ARID3A: variants seen among roughly 807,000 people sequenced by gnomAD.
ARID3A encodes AT-rich interaction domain 3A.
A neutral mutation model predicts 52.7 loss-of-function variants in ARID3A; 11 were observed. The observed-to-expected ratio is 0.21, with a 90% CI of 0.13 to 0.35. ARID3A has a LOEUF of 0.35. Among genes scored for constraint, ARID3A ranks in the 10% least tolerant of loss-of-function variants. ARID3A has a pLI of 1.00. For missense variants in ARID3A, 721 were observed against 838.5 expected (o/e 0.86, Z 1.73); for synonymous variants, 404 against 359.4 (o/e 1.12, Z -1.40).
intron 2 of ARID3A, among the ~76,000 whole-genome samples, chr19:930,274 G>A (rs979522034): frequency 6.6e-6 from 1 of 151,832 alleles, no homozygotes; most frequent in Non-Finnish European, 1.5e-5. Context: ...TTTTTTAGCC[G>A]GGTGCTGTGG....
intron 1 of ARID3A, among the ~76,000 whole-genome samples, chr19:927,277 A>G (rs1199037176): frequency 1.3e-5 from 2 of 151,558 alleles, no homozygotes; most frequent in Non-Finnish European, 3.0e-5. Context: ...TGGGGCTGTC[A>G]TAAAATGGGG....
chr19:927,368 TG>T (rs561627310), intron 1 of ARID3A, among the ~76,000 whole-genome samples: 119 of 149,282 alleles, frequency 8.0e-4, no homozygotes, highest in African/African-American at 2.9e-3. Context: ...ATGGCGGCGA[TG>T]GGGGGGCACC....
Position 938,918 on chromosome 19 carries a change from T to G in ARID3A, c.693+6176T>G, listed in dbSNP as rs1256848272. On this transcript the variant is annotated intron_variant, in intron 3 of 8. Transcript: ENST00000263620. The surrounding 1 kb of genome is among the most constrained non-coding windows in gnomAD (Gnocchi z 4.0). ...TTGTGGAAAATACACATAGATACAT[T>G]ATTTTATCTCTCTTTTTTTTTTTTT... 6.6e-6 allele frequency among the ~76,000 whole-genome samples: 1 copy of G among 150,394 alleles called. No individual in the cohort carries two copies. Among genetic ancestry groups the G allele is most frequent in the Non-Finnish European group, 1.5e-5 (1 of 67,852 alleles).
In ARID3A at chr19:972,801, C is replaced by CAA. The variant is rs57620894; in HGVS notation, c.*765_*766dup. The stretch of plus-strand genomic sequence containing the variant: ...GTCTTGAAAAAGCAAGAAAAAAAAG[C>CAA]AAAAAAAAAAAAAAAAAAAAAAAAA... On this transcript the variant is annotated 3_prime_UTR_variant, in exon 9 of 9. Coordinates refer to ENST00000263620, the MANE Select transcript of ARID3A (RefSeq NM_005224.3). The CAA allele has an allele frequency of 1.3e-4, 10 of 74,966 alleles. No homozygotes were observed. Among genetic ancestry groups the CAA allele is most frequent in the African/African-American group, 6.0e-4 (10 of 16,626 alleles). The allele number at this position is 74,966 out of a possible 1,614,324, so 4.6% of individuals were successfully genotyped here.
chr19:947,141 C>T lies in ARID3A; in HGVS notation c.694-12951C>T, dbSNP rs1421437630. Among the ~76,000 whole-genome samples, 1 of 152,142 alleles carries T rather than the reference C, an allele frequency of 6.6e-6. No homozygotes were observed. The highest frequency in any genetic ancestry group is 2.4e-5 in the African/African-American group (1 of 41,434). On this transcript the variant is annotated intron_variant, in intron 3 of 8. Coordinates refer to ENST00000263620, the MANE Select transcript of ARID3A (RefSeq NM_005224.3). This position sits in a 1 kb window ranked among gnomAD's most constrained non-coding sequence, Gnocchi z 6.3. Reference sequence around the variant, plus strand: ...AATGTTTGCTGGGTGCCCCCCATTGCTGGGCACCGTGGGGTGGGGTGTGTC... The same window carrying T: ...AATGTTTGCTGGGTGCCCCCCATTGTTGGGCACCGTGGGGTGGGGTGTGTC...
chr19:929,384 C>CCCCCCCCCCCCA lies in ARID3A; in HGVS notation c.-145_-144insCCCCCCCCCCCA, dbSNP rs2145341202. On this transcript the variant is annotated 5_prime_UTR_variant, in exon 2 of 9. Coordinates refer to ENST00000263620, the MANE Select transcript of ARID3A (RefSeq NM_005224.3). The surrounding 1 kb of genome is among the most constrained non-coding windows in gnomAD (Gnocchi z 6.2). ...GGCGGCCCCCGCCCCCGCCCCCTGCCACCCTGCACTGCCCCGGCTCCCCCG... is the reference window on the plus strand; with the variant it reads ...GGCGGCCCCCGCCCCCGCCCCCTGCCCCCCCCCCCCCAACCCTGCACTGCCCCGGCTCCCCCG... The CCCCCCCCCCCCA allele has an allele frequency of 1.4e-6, 1 of 738,562 alleles. No homozygotes were observed. The highest frequency in any genetic ancestry group is 1.7e-6 in the Non-Finnish European group (1 of 572,214). The allele number at this position is 738,562 out of a possible 1,614,324, so 45.8% of individuals were successfully genotyped here.
At chr19:970,513 T>C (rs2038255775) in intron 8 of ARID3A, among the ~76,000 whole-genome samples, 1 of 141,156 alleles carries the variant, frequency 7.1e-6, no homozygotes. Context: ...TTTTTTTTTT[T>C]TTTTTTTTTT....
At position 932,644 on chromosome 19, in the gene ARID3A, G is replaced by A. The variant is rs2037357596; in HGVS notation, c.595G>A (p.Gly199Arg). The change falls in exon 3 of 9, where the codon GGG (glycine) becomes AGG (arginine). Residue 199 changes from glycine (G) to arginine (R), a missense_variant. Gly to Arg is a moderately radical substitution (Grantham distance 125). Around this residue, in one of 5 missense-constraint regions of ARID3A, gnomAD observed 349 missense variants for 297.3 expected, o/e 1.17. Coordinates refer to ENST00000263620, the MANE Select transcript of ARID3A (RefSeq NM_005224.3). ...GGTGCTGGGGGGCCAGGAGCGGCCG[G>A]GGCCTGGCCCTGCCCACCCCGGAGG... ...PRVLGGQERP[G>R]PGPAHPGGAA... 2 of 1,540,786 alleles carry A rather than the reference G, an allele frequency of 1.3e-6. No individual in the cohort carries two copies. Among genetic ancestry groups the A allele is most frequent in the Middle Eastern group, 2.1e-4 (1 of 4,728 alleles).
rs956521955 is a variant in ARID3A at position 974,944 on chromosome 19, G to C, written c.*2879G>C. On this transcript the variant is annotated 3_prime_UTR_variant, in exon 9 of 9. Transcript: ENST00000263620. The stretch of plus-strand genomic sequence containing the variant: ...GCTGAAGGCAGTGGCCATGCTGGCC[G>C]TGGAAATGGGAGGCGGTTGCAGAGG... The C allele has an allele frequency of 4.3e-6, 1 of 229,888 alleles. No homozygotes were observed. Among genetic ancestry groups the C allele is most frequent in the Non-Finnish European group, 8.6e-6 (1 of 115,976 alleles). The allele number at this position is 229,888 out of a possible 1,614,324, so 14.2% of individuals were successfully genotyped here.
rs546826190 is a variant in ARID3A at position 931,624 on chromosome 19, C to A, written c.369-794C>A. ...TCAGGAGATCGAGACCATCCTGGCT[C>A]ACACGGTGAAACCCCGTCTCCACTA... On this transcript the variant is annotated intron_variant, in intron 2 of 8. Transcript: ENST00000263620. 2.5e-4 allele frequency among the ~76,000 whole-genome samples: 38 copies of A among 151,888 alleles called. No individual in the cohort carries two copies. The East Asian group carries it at 4.1e-3, about 16-fold the overall frequency.
chr19:930,763 C>A (rs190544435), intron 2 of ARID3A, among the ~76,000 whole-genome samples: 2 of 151,310 alleles, frequency 1.3e-5, no homozygotes, highest in African/African-American at 4.8e-5. Context: ...CCTGCCTTGG[C>A]CTCCCAAAGT....
At position 960,130 on chromosome 19, in the gene ARID3A, C is replaced by T. The variant is rs781197545; in HGVS notation, c.732C>T (p.Phe244=). Residue 244 remains phenylalanine (F), a synonymous_variant, in exon 4 of 9, where the codon TTC becomes TTT. Coordinates refer to ENST00000263620, the MANE Select transcript of ARID3A (RefSeq NM_005224.3). This position sits in a 1 kb window ranked among gnomAD's most constrained non-coding sequence, Gnocchi z 4.3. ...ACGGGGACCCCAAGAGGAAGGAATT[C>T]CTGGATGACTTGTTCAGCTTCATGC... ...ELDGDPKRKE[F]LDDLFSFMQK... The T allele has an allele frequency of 6.2e-7, 1 of 1,613,162 alleles. No homozygotes were observed. Among genetic ancestry groups the T allele is most frequent in the South Asian group, 1.1e-5 (1 of 90,956 alleles).
chr19:966,902 C>A (rs2038169882), intron 7 of ARID3A, 34 bp downstream of exon 7: 1 of 1,567,742 alleles, frequency 6.4e-7, no homozygotes, highest in African/African-American at 1.4e-5. Flanking sequence ...GCTGTGCTTC[C>A]TGCGTGTGTC....
At chr19:965,319 T>G (rs2038126604) in intron 6 of ARID3A, 2 of 530,300 alleles carry the variant, frequency 3.8e-6, no homozygotes, top group East Asian at 6.3e-5. Flanking sequence ...GTGTTTCCAG[T>G]CCTGTGGCCA....
chr19:960,057 G>A lies in ARID3A; in HGVS notation c.694-35G>A. ...ACATGGTTCCCACACCTGAGCTCTG[G>A]CACCAACTAACCCATCCCCTCTCCA... On this transcript the variant is annotated intron_variant, in intron 3 of 8. Coordinates refer to ENST00000263620, the MANE Select transcript of ARID3A (RefSeq NM_005224.3). The surrounding 1 kb of genome is among the most constrained non-coding windows in gnomAD (Gnocchi z 4.3). The A allele has an allele frequency of 6.3e-7, 1 of 1,589,298 alleles. No individual in the cohort carries two copies. Among genetic ancestry groups the A allele is most frequent in the Non-Finnish European group, 8.6e-7 (1 of 1,160,862 alleles).
Position 947,698 on chromosome 19 carries a change from A to T in ARID3A, c.694-12394A>T, listed in dbSNP as rs557412461. Among the ~76,000 whole-genome samples, 1 of 152,310 alleles carries T rather than the reference A, an allele frequency of 6.6e-6. No individual in the cohort carries two copies. The highest frequency in any genetic ancestry group is 2.4e-5 in the African/African-American group (1 of 41,572). On this transcript the variant is annotated intron_variant, in intron 3 of 8. Transcript: ENST00000263620. The surrounding 1 kb of genome is among the most constrained non-coding windows in gnomAD (Gnocchi z 6.3). ...CACAGAGAAGCACCTTCACCACGCC[A>T]GCTTCCCGGGCCGCGCTTCATTGTC...
rs542439289 is a variant in ARID3A at position 932,709 on chromosome 19, C to T, written c.660C>T (p.His220=). ...CCCCGCAGCTGCAGCCGCCTGACCACGGCGACTGGACTTACGAGGAGCAGT... is the reference window on the plus strand; with the variant it reads ...CCCCGCAGCTGCAGCCGCCTGACCATGGCGACTGGACTTACGAGGAGCAGT... ...HVAPQLQPPD[H]GDWTYEEQFK... is the part of the protein sequence containing the mutation. Residue 220 remains histidine, a synonymous_variant, in exon 3 of 9, where the codon CAC becomes CAT. Coordinates refer to ENST00000263620, the MANE Select transcript of ARID3A (RefSeq NM_005224.3). 2.5e-4 allele frequency: 380 copies of T among 1,547,092 alleles called. 1 individual carries two copies. In the Middle Eastern group the frequency reaches 3.1e-3, roughly 12 times the overall value.
rs544757086 is a variant in ARID3A at position 961,460 on chromosome 19, C to A, written c.766+1296C>A. 3.9e-5 allele frequency among the ~76,000 whole-genome samples: 6 copies of A among 152,338 alleles called. No homozygotes were observed. The South Asian group carries it at 8.3e-4, about 21-fold the overall frequency. Reference sequence around the variant, plus strand: ...CAGGCTTGACCAGGGCCCACTGCCCCCTGTGAGGCTGGACAGATCCTCCCC... The same window carrying A: ...CAGGCTTGACCAGGGCCCACTGCCCACTGTGAGGCTGGACAGATCCTCCCC... On this transcript the variant is annotated intron_variant, in intron 4 of 8. Transcript: ENST00000263620.
intron 3 of ARID3A, among the ~76,000 whole-genome samples, chr19:949,258 G>A (rs2145411402): frequency 6.6e-6 from 1 of 152,262 alleles, no homozygotes; most frequent in Admixed American, 6.5e-5. Flanking sequence ...CGGCGTGGGT[G>A]CCTGTGTGGA....
Sources: gnomAD v4.1 joint callset for allele counts (sites outside exome capture counted in the v4.1 genomes callset) on GRCh38, gnomAD v4.1.1 for gene constraint, gnomAD v4.1.1 regional missense constraint, Gnocchi (gnomAD v3.1) non-coding constraint, MANE v1.5 for transcripts, NCBI Gene and HGNC (gene_info 2026-07-23, HGNC 2026-07-21) for gene names.